SYT1: variants seen among roughly 807,000 people sequenced by gnomAD.
The protein encoded by SYT1 is synaptotagmin-1.
Under a neutral mutation model 44.8 loss-of-function variants are expected in SYT1, and 8 were observed. That is an observed-to-expected ratio of 0.18 (90% CI 0.10 to 0.32). The LOEUF is 0.32. SYT1 is among the 10% of genes least tolerant of loss of function. The probability of loss-of-function intolerance (pLI) is 1.00; values close to 1 mark genes in which losing one functional copy is unlikely to be tolerated. For missense variants in SYT1, 286 were observed against 509.3 expected (o/e 0.56, Z 4.22); for synonymous variants, 154 against 188.8 (o/e 0.82, Z 1.51).
intron 8 of SYT1, among the ~76,000 whole-genome samples, chr12:79,317,228 C>T (rs1881133486): frequency 6.6e-6 from 1 of 152,130 alleles, no homozygotes; most frequent in Non-Finnish European, 1.5e-5. Flanking sequence ...TTCCATCCTT[C>T]CCAGATTTCA....
chr12:79,210,719 G>A (rs1347854414), intron 3 of SYT1, among the ~76,000 whole-genome samples: 4 of 152,178 alleles, frequency 2.6e-5, no homozygotes, highest in African/African-American at 9.7e-5. Flanking sequence ...GCATGTGCAA[G>A]TATCTTTTTC....
intron 3 of SYT1, among the ~76,000 whole-genome samples, chr12:79,215,177 C>G (rs904352065): frequency 9.2e-5 from 14 of 152,052 alleles, no homozygotes; most frequent in East Asian, 1.9e-4. Context: ...AAAATTTCCA[C>G]ATTCTGGACA....
intron 3 of SYT1, among the ~76,000 whole-genome samples, chr12:79,116,506 A>T (rs531134479): frequency 6.6e-6 from 1 of 152,188 alleles, no homozygotes; most frequent in African/African-American, 2.4e-5. Flanking sequence ...GTCTTATTTC[A>T]TAAGTGAGGA....
chr12:78,902,983 G>GT (rs1565709576), intron 1 of SYT1, among the ~76,000 whole-genome samples: 1 of 152,066 alleles, frequency 6.6e-6, no homozygotes, highest in African/African-American at 2.4e-5. Flanking sequence ...CTCTACTAAC[G>GT]TAAGTTCTGA....
chr12:78,923,087 G>A (rs1000186480), intron 1 of SYT1, among the ~76,000 whole-genome samples: 1 of 151,874 alleles, frequency 6.6e-6, no homozygotes, highest in African/African-American at 2.4e-5. Flanking sequence ...TTGCATTACA[G>A]TATATCATCC....
intron 3 of SYT1, among the ~76,000 whole-genome samples, chr12:79,211,654 T>C (rs1874465086): frequency 1.4e-5 from 2 of 145,184 alleles, no homozygotes; most frequent in African/African-American, 5.0e-5. Context: ...TGTGATCTCA[T>C]TGTTCAATTC....
chr12:79,305,994 G>A (rs1265910444), intron 8 of SYT1, among the ~76,000 whole-genome samples: 1 of 152,142 alleles, frequency 6.6e-6, no homozygotes, highest in Non-Finnish European at 1.5e-5. Flanking sequence ...ACTGCACCTG[G>A]CCCACACCAT....
At chr12:79,437,906 T>G (rs1870184574) in intron 9 of SYT1, among the ~76,000 whole-genome samples, 1 of 152,126 alleles carries the variant, frequency 6.6e-6, no homozygotes, top group Non-Finnish European at 1.5e-5. Flanking sequence ...AAACATGCCC[T>G]TGAACATCTT....
At chr12:79,031,166 G>A (rs1267617047) in intron 2 of SYT1, among the ~76,000 whole-genome samples, 1 of 150,962 alleles carries the variant, frequency 6.6e-6, no homozygotes, top group Non-Finnish European at 1.5e-5. Flanking sequence ...CATCAAAATA[G>A]TATTGATTAT....
intron 3 of SYT1, among the ~76,000 whole-genome samples, chr12:79,070,479 A>G (rs1876189457): frequency 6.6e-6 from 1 of 152,020 alleles, no homozygotes; most frequent in African/African-American, 2.4e-5. Context: ...GTTTTCTTAA[A>G]AATGCAGCAT....
intron 1 of SYT1, among the ~76,000 whole-genome samples, chr12:78,916,072 G>T (rs1357564024): frequency 6.6e-6 from 1 of 151,994 alleles, no homozygotes; most frequent in African/African-American, 2.4e-5. Context: ...GGTAGAACAT[G>T]CCAAAAATGA....
intron 3 of SYT1, among the ~76,000 whole-genome samples, chr12:79,147,736 T>C (rs1870009531): frequency 6.6e-6 from 1 of 152,098 alleles, no homozygotes; most frequent in African/African-American, 2.4e-5. Context: ...ACCTAATGAG[T>C]TCATAAAAGT....
chr12:79,011,413 G>A (rs139476295), intron 2 of SYT1, among the ~76,000 whole-genome samples: 1 of 151,898 alleles, frequency 6.6e-6, no homozygotes, highest in Non-Finnish European at 1.5e-5. Flanking sequence ...TTATAGTAGG[G>A]CATTCCATCT....
chr12:79,117,686 T>TATAA (rs1879362129), intron 3 of SYT1, among the ~76,000 whole-genome samples: 1 of 78,044 alleles, frequency 1.3e-5, no homozygotes, highest in African/African-American at 5.1e-5. Context: ...TATATATATA[T>TATAA]ATATATATAT....
Position 79,080,267 on chromosome 12 carries a change from C to A in SYT1, c.-18+32905C>A, listed in dbSNP as rs866470511. ...AAGAAAGAAAGAATTATGCAAATTA[C>A]TTATTTCTTTTTATATTATATCAGA... On this transcript the variant is annotated intron_variant, in intron 3 of 10. Coordinates refer to ENST00000261205, the MANE Select transcript of SYT1 (RefSeq NM_005639.3). 4.6e-5 allele frequency among the ~76,000 whole-genome samples: 7 copies of A among 152,180 alleles called. No individual in the cohort carries two copies. The Middle Eastern group carries it at 0.017, about 370-fold the overall frequency.
chr12:79,358,230 T>C (rs1359175280), intron 9 of SYT1, among the ~76,000 whole-genome samples: 1 of 152,204 alleles, frequency 6.6e-6, no homozygotes, highest in East Asian at 1.9e-4. Flanking sequence ...TTTAAGGACA[T>C]GGCCGTTTAA....
intron 3 of SYT1, among the ~76,000 whole-genome samples, chr12:79,207,716 A>T (rs1325406102): frequency 6.6e-6 from 1 of 152,198 alleles, no homozygotes; most frequent in African/African-American, 2.4e-5. Flanking sequence ...TTGACACAGG[A>T]TGTTATTATG....
chr12:79,068,503 C>A (rs544996639), intron 3 of SYT1, among the ~76,000 whole-genome samples: 1 of 152,182 alleles, frequency 6.6e-6, no homozygotes, highest in East Asian at 1.9e-4. Flanking sequence ...TCTTTCAGAG[C>A]TCAAGAATAA....
At chr12:79,324,573 A>T (rs73352958) in intron 8 of SYT1, among the ~76,000 whole-genome samples, 1 of 152,218 alleles carries the variant, frequency 6.6e-6, no homozygotes. Context: ...AGATTGTTCA[A>T]GAGAGGCATT....
Sources: gnomAD v4.1 joint callset for allele counts (sites outside exome capture counted in the v4.1 genomes callset) on GRCh38, gnomAD v4.1.1 for gene constraint, MANE v1.5 for transcripts, NCBI Gene and HGNC (gene_info 2026-07-23, HGNC 2026-07-21) for gene names.